MTUS1: variants seen among roughly 807,000 people sequenced by gnomAD.
The protein encoded by MTUS1 is microtubule-associated tumor suppressor 1.
A neutral mutation model predicts 120.8 loss-of-function variants in MTUS1; 109 were observed. That is an observed-to-expected ratio of 0.90 (90% CI 0.77 to 1.06). The LOEUF is 1.06. Among genes scored for constraint, MTUS1 ranks in the 50% least tolerant of loss-of-function variants. MTUS1 has a pLI of 0.00. For missense variants in MTUS1, 2,210 were observed against 1,486.3 expected (o/e 1.49, Z -8.01); for synonymous variants, 737 against 550.5 (o/e 1.34, Z -4.74).
At chr8:17,745,684 G>T (rs2047688629) in intron 2 of MTUS1, among the ~76,000 whole-genome samples, 1 of 152,184 alleles carries the variant, frequency 6.6e-6, no homozygotes, top group Admixed American at 6.5e-5. Context: ...TCCTTCCCCT[G>T]GGGGCTCTCT....
chr8:17,679,321 T>A (rs1813788346), intron 7 of MTUS1, among the ~76,000 whole-genome samples: 1 of 89,668 alleles, frequency 1.1e-5, no homozygotes, highest in South Asian at 3.6e-4. Context: ...TGTGTATCTG[T>A]ATCTATTTTA....
intron 2 of MTUS1, 101 bp downstream of exon 2, chr8:17,753,616 G>C (rs552887646): frequency 2.6e-6 from 2 of 768,678 alleles, no homozygotes; most frequent in Non-Finnish European, 4.0e-6. Context: ...TGCCCACCTG[G>C]TTCTGCAATA....
intron 8 of MTUS1, chr8:17,674,382 T>C: frequency 1.4e-5 from 11 of 794,332 alleles, no homozygotes; most frequent in Non-Finnish European, 1.7e-5. Flanking sequence ...ATCGCACCAC[T>C]GCACTCCAGT....
chr8:17,707,098 T>C (rs1192732022), intron 6 of MTUS1, among the ~76,000 whole-genome samples: 1 of 152,170 alleles, frequency 6.6e-6, no homozygotes, highest in African/African-American at 2.4e-5. Flanking sequence ...CAGAGGAACA[T>C]GTTTATGTGT....
At chr8:17,669,573 T>C (rs1345680779) in intron 8 of MTUS1, among the ~76,000 whole-genome samples, 2 of 151,478 alleles carry the variant, frequency 1.3e-5, no homozygotes, top group Non-Finnish European at 2.9e-5. Context: ...AGGCCAGGAG[T>C]GGTGGCTCAA....
chr8:17,675,797 A>G (rs1455318019), intron 7 of MTUS1, among the ~76,000 whole-genome samples: 2 of 152,214 alleles, frequency 1.3e-5, no homozygotes, highest in Non-Finnish European at 2.9e-5. Flanking sequence ...AATTTTTTTC[A>G]GCTACATACC....
chr8:17,687,631 T>G (rs570059076), intron 6 of MTUS1, among the ~76,000 whole-genome samples: 81 of 152,316 alleles, frequency 5.3e-4, no homozygotes, highest in East Asian at 3.9e-4. Context: ...AACTTCTATA[T>G]CGATTCAGAT....
chr8:17,738,791 G>T (rs1488006253), intron 3 of MTUS1, among the ~76,000 whole-genome samples: 3 of 152,122 alleles, frequency 2.0e-5, no homozygotes, highest in African/African-American at 7.2e-5. Context: ...GAAAAGAAAA[G>T]TGCCACAGTT....
At chr8:17,652,405 C>G (rs570197218) in intron 12 of MTUS1, among the ~76,000 whole-genome samples, 1 of 152,108 alleles carries the variant, frequency 6.6e-6, no homozygotes, top group African/African-American at 2.4e-5. Flanking sequence ...ACCACATGTT[C>G]TACAATCAAC....
At chr8:17,678,307 A>G (rs988151421) in intron 7 of MTUS1, among the ~76,000 whole-genome samples, 15 of 152,210 alleles carry the variant, frequency 9.9e-5, no homozygotes, top group Non-Finnish European at 1.6e-4. Flanking sequence ...AACCGTCTAG[A>G]TAACAGGTTG....
chr8:17,644,559 A>G lies in MTUS1; in HGVS notation c.*1367T>C, dbSNP rs1805437010. Reference sequence around the variant, plus strand: ...CCTGGAGGAGAGTTGGACAAGCCACATTTTCCACTCATGGGAAAGAAGCGG... The same window carrying G: ...CCTGGAGGAGAGTTGGACAAGCCACGTTTTCCACTCATGGGAAAGAAGCGG... On this transcript the variant is annotated 3_prime_UTR_variant, in exon 15 of 15. Transcript: ENST00000693296. 6.6e-6 allele frequency: 1 copy of G among 152,366 alleles called. No homozygotes were observed. The highest frequency in any genetic ancestry group is 2.1e-4 in the South Asian group (1 of 4,828). 9.4% of individuals were successfully genotyped at this position (152,366 alleles called of 1,614,324 possible). A position where few individuals can be genotyped will look rare whatever the true frequency, so the allele number is the denominator to read the frequency against.
intron 10 of MTUS1, chr8:17,654,241 T>A (rs1314287513): frequency 8.2e-6 from 3 of 363,670 alleles, no homozygotes; most frequent in African/African-American, 6.1e-5. Flanking sequence ...GATCCTTTAC[T>A]GTGGATTACA....
chr8:17,754,198 G>C lies in MTUS1; in HGVS notation c.1610C>G (p.Thr537Ser). The stretch of plus-strand genomic sequence containing the variant: ...CACTGATGAGGGTGATGAGGCACTG[G>C]TCTGCTGAGGTCTGGGCGTGACCTT... ...LSKVTPRPQQ[T>S]SASSPSSVNS... Residue 537 changes from threonine to serine, a missense_variant, in exon 2 of 15, where the codon ACC becomes AGC. Physicochemically the swap from Thr to Ser is moderately conservative, Grantham distance 58. Transcript: ENST00000693296. 6.2e-7 allele frequency: 1 copy of C among 1,613,986 alleles called. No homozygotes were observed. The highest frequency in any genetic ancestry group is 8.5e-7 in the Non-Finnish European group (1 of 1,180,032).
At chr8:17,662,020 G>A (rs1201453175) in intron 8 of MTUS1, among the ~76,000 whole-genome samples, 1 of 152,178 alleles carries the variant, frequency 6.6e-6, no homozygotes, top group East Asian at 1.9e-4. Flanking sequence ...GGTTCTCAGA[G>A]TGCTCCTCGG....
chr8:17,697,808 A>T (rs778114138), intron 6 of MTUS1: 72 of 804,854 alleles, frequency 8.9e-5, no homozygotes, highest in Non-Finnish European at 1.0e-4. Context: ...GGGGAAATTA[A>T]CTACTTCAAG....
At position 17,754,183 on chromosome 8, in the gene MTUS1, G is replaced by T; in HGVS notation, c.1625C>A (p.Pro542His). Reference protein sequence around the residue: ...PRPQQTSASSPSSVNSRQQTV... With the variant: ...PRPQQTSASSHSSVNSRQQTV... ...TTGTTGTCTTGAATTCACTGATGAG[G>T]GTGATGAGGCACTGGTCTGCTGAGG... The change falls in exon 2 of 15, where the codon CCC becomes CAC. Residue 542 changes from proline (P) to histidine (H), a missense_variant. Physicochemically the swap from Pro to His is moderately conservative, Grantham distance 77. Transcript: ENST00000693296. 1 of 1,613,788 alleles carries T rather than the reference G, an allele frequency of 6.2e-7. No homozygotes were observed. The highest frequency in any genetic ancestry group is 1.7e-5 in the Admixed American group (1 of 59,986).
intron 1 of MTUS1, among the ~76,000 whole-genome samples, chr8:17,769,976 T>G: frequency 6.7e-6 from 1 of 149,020 alleles, no homozygotes; most frequent in African/African-American, 2.5e-5. Context: ...AATGCAAAAG[T>G]GAGAAATAAG....
At chr8:17,680,455 C>T (rs1444434919) in intron 7 of MTUS1, among the ~76,000 whole-genome samples, 2 of 90,474 alleles carry the variant, frequency 2.2e-5, no homozygotes, top group African/African-American at 4.4e-5. Context: ...CAGAGCAAGG[C>T]CACTGTCGCA....
chr8:17,738,749 C>T (rs143111671), intron 3 of MTUS1, among the ~76,000 whole-genome samples: 1,722 of 152,228 alleles, frequency 0.011, 12 homozygotes, highest in South Asian at 0.028. Flanking sequence ...TCATTCACAT[C>T]AGAGTTAACA....
Sources: gnomAD v4.1 joint callset for allele counts (sites outside exome capture counted in the v4.1 genomes callset) on GRCh38, gnomAD v4.1.1 for gene constraint, MANE v1.5 for transcripts, NCBI Gene and HGNC (gene_info 2026-07-23, HGNC 2026-07-21) for gene names.